DNM3: variants seen among roughly 807,000 people sequenced by gnomAD.
The protein encoded by DNM3 is dynamin-3.
In DNM3, 47 loss-of-function variants were observed where a neutral mutation model predicts 101.6. The ratio of observed to expected loss-of-function variants is 0.46; its 90% confidence interval spans 0.37 to 0.59. The LOEUF is 0.59. Ranked by LOEUF, DNM3 falls within the 20% of genes least tolerant of loss-of-function variation. The pLI is 0.00. For synonymous variants in DNM3, 385 were observed against 387.9 expected (o/e 0.99, Z 0.09); for missense variants, 849 against 1,085.7 (o/e 0.78, Z 3.06).
intron 14 of DNM3, among the ~76,000 whole-genome samples, chr1:172,227,271 GATATATATATATAT>G (rs140087796): frequency 0.012 from 972 of 78,028 alleles, 42 homozygotes; most frequent in African/African-American, 0.039. Flanking sequence ...AGTATTTTGT[GATATATATATATAT>G]ATATATATAT....
At chr1:172,030,023 C>G (rs2048489745) in intron 4 of DNM3, among the ~76,000 whole-genome samples, 1 of 152,142 alleles carries the variant, frequency 6.6e-6, no homozygotes, top group Non-Finnish European at 1.5e-5. Flanking sequence ...ATCAAGCTAC[C>G]ACTGACTTTC....
intron 15 of DNM3, among the ~76,000 whole-genome samples, chr1:172,295,900 C>A (rs2064142257): frequency 6.6e-6 from 1 of 151,978 alleles, no homozygotes; most frequent in East Asian, 1.9e-4. Flanking sequence ...ATAGGTCAGG[C>A]AAATGCAAAG....
At chr1:172,233,544 T>G (rs1157320082) in intron 14 of DNM3, among the ~76,000 whole-genome samples, 7 of 151,932 alleles carry the variant, frequency 4.6e-5, no homozygotes, top group Admixed American at 2.0e-4. Flanking sequence ...ATTTTATGAG[T>G]CCAGCATCAT....
intron 15 of DNM3, among the ~76,000 whole-genome samples, chr1:172,260,423 CA>C (rs1460315542): frequency 6.6e-6 from 1 of 151,920 alleles, no homozygotes; most frequent in African/African-American, 2.4e-5. Context: ...CTAATTCTTT[CA>C]TTTTTTTTCG....
At chr1:171,897,008 A>C (rs1321091316) in intron 1 of DNM3, among the ~76,000 whole-genome samples, 2 of 152,210 alleles carry the variant, frequency 1.3e-5, no homozygotes, top group Admixed American at 6.5e-5. Context: ...GGACCATCTT[A>C]AAGTGATCCC....
At chr1:171,977,353 A>G (rs1490052482) in intron 2 of DNM3, among the ~76,000 whole-genome samples, 1 of 152,228 alleles carries the variant, frequency 6.6e-6, no homozygotes, top group Non-Finnish European at 1.5e-5. Flanking sequence ...AGTAAAATAT[A>G]AAACCACAAG....
intron 14 of DNM3, among the ~76,000 whole-genome samples, chr1:172,226,335 G>C (rs1383552983): frequency 6.6e-6 from 1 of 152,112 alleles, no homozygotes; most frequent in Non-Finnish European, 1.5e-5. Flanking sequence ...ATATAAAACT[G>C]TAAACATAGA....
At chr1:171,938,935 A>G (rs1171369509) in intron 2 of DNM3, among the ~76,000 whole-genome samples, 2 of 152,158 alleles carry the variant, frequency 1.3e-5, no homozygotes, top group East Asian at 3.8e-4. Flanking sequence ...TGCATAGCTT[A>G]ATAGATTCAA....
At chr1:172,301,004 A>C (rs909274923) in intron 15 of DNM3, among the ~76,000 whole-genome samples, 1 of 152,256 alleles carries the variant, frequency 6.6e-6, no homozygotes, top group Non-Finnish European at 1.5e-5. Context: ...AGGCAGTATG[A>C]CTCTGGGGAA....
At chr1:172,201,724 C>A (rs185398486) in intron 14 of DNM3, among the ~76,000 whole-genome samples, 190 of 152,348 alleles carry the variant, frequency 1.2e-3, no homozygotes, top group Middle Eastern at 0.01. Flanking sequence ...GGCAGAGAGG[C>A]TTTCAGTTGC....
At chr1:172,199,102 G>C (rs1049024490) in intron 14 of DNM3, among the ~76,000 whole-genome samples, 5 of 152,082 alleles carry the variant, frequency 3.3e-5, no homozygotes, top group Admixed American at 2.6e-4. Context: ...ATTCTGGTGT[G>C]TTGTATCTGT....
chr1:172,117,334 G>T (rs931119691), intron 13 of DNM3, among the ~76,000 whole-genome samples: 1 of 151,962 alleles, frequency 6.6e-6, no homozygotes, highest in Non-Finnish European at 1.5e-5. Context: ...TGGTTTGACT[G>T]TGTCTCCATG....
At chr1:172,386,578 A>G (rs1163178931) in intron 18 of DNM3, among the ~76,000 whole-genome samples, 1 of 152,262 alleles carries the variant, frequency 6.6e-6, no homozygotes, top group Non-Finnish European at 1.5e-5. Flanking sequence ...CTGCATAGTT[A>G]TATAAGATTC....
chr1:172,264,021 G>T (rs1418791096), intron 15 of DNM3, among the ~76,000 whole-genome samples: 3 of 152,192 alleles, frequency 2.0e-5, no homozygotes, highest in Admixed American at 2.0e-4. Flanking sequence ...GTATTCCACT[G>T]CAGTTCTGAA....
chr1:172,104,346 ATTTT>A (rs2054860336), intron 13 of DNM3, among the ~76,000 whole-genome samples: 1 of 151,816 alleles, frequency 6.6e-6, no homozygotes, highest in Admixed American at 6.6e-5. Flanking sequence ...AGCTATTTAA[ATTTT>A]TGTTTGTTTG....
chr1:172,114,476 A>G (rs1377146402), intron 13 of DNM3, among the ~76,000 whole-genome samples: 2 of 152,194 alleles, frequency 1.3e-5, no homozygotes, highest in Admixed American at 6.5e-5. Flanking sequence ...CAGAATCTCT[A>G]AGACTCTATA....
intron 10 of DNM3, among the ~76,000 whole-genome samples, chr1:172,059,816 A>G (rs2051007536): frequency 7.2e-6 from 1 of 139,516 alleles, no homozygotes; most frequent in Admixed American, 7.4e-5. Flanking sequence ...CACCACTCCT[A>G]TTCAACATAG....
chr1:171,880,759 G>T (rs1190127115), intron 1 of DNM3, among the ~76,000 whole-genome samples: 2 of 152,108 alleles, frequency 1.3e-5, no homozygotes, highest in Non-Finnish European at 2.9e-5. Flanking sequence ...CTGTGAATTA[G>T]AATAGATTTT....
chr1:172,241,644 C>T (rs2061752681), intron 14 of DNM3, among the ~76,000 whole-genome samples: 1 of 151,992 alleles, frequency 6.6e-6, no homozygotes, highest in Non-Finnish European at 1.5e-5. Flanking sequence ...AACAGAATTT[C>T]CTGGGACTGC....
Sources: gnomAD v4.1 joint callset for allele counts (sites outside exome capture counted in the v4.1 genomes callset) on GRCh38, gnomAD v4.1.1 for gene constraint, MANE v1.5 for transcripts, NCBI Gene and HGNC (gene_info 2026-07-23, HGNC 2026-07-21) for gene names.